Variants in AKAP11 observed in about 807,000 individuals in gnomAD.
AKAP11 encodes A-kinase anchor protein 11.
AKAP11 carries 36 observed loss-of-function variants against 146.1 expected under a neutral mutation model. The observed-to-expected ratio is 0.25, with a 90% CI of 0.19 to 0.33. AKAP11 has a LOEUF of 0.33. Among genes scored for constraint, AKAP11 ranks in the 10% least tolerant of loss-of-function variants. The pLI is 1.00. For missense variants in AKAP11, 2,201 were observed against 2,197.0 expected, an observed-to-expected ratio of 1.00 and a Z score of -0.04; for synonymous variants, 780 against 786.5, an observed-to-expected ratio of 0.99 and a Z score of 0.14.
rs1359661007 is a variant in AKAP11, at chr13:42,321,863, A to G, written c.*2635A>G. 6.6e-6 allele frequency: 1 copy of G among 152,296 alleles called. No individual in the cohort carries two copies. Among genetic ancestry groups the G allele is most frequent in the East Asian group, 1.9e-4 (1 of 5,344 alleles). 9.4% of individuals were successfully genotyped at this position (152,296 alleles called of 1,614,324 possible). On this transcript the variant is annotated 3_prime_UTR_variant, in exon 13 of 13. Coordinates refer to ENST00000025301, the MANE Select transcript of AKAP11 (RefSeq NM_016248.4). ...AAAGTTTTGATGTACATCGAGCTGA[A>G]TTCTGTTTTTACCAGTTTCAAAACC...
chr13:42,277,336 A>T (rs901463078), intron 1 of AKAP11, among the ~76,000 whole-genome samples: 2 of 152,178 alleles, frequency 1.3e-5, no homozygotes, highest in East Asian at 3.8e-4. Context: ...TCCTGCCTTC[A>T]TCTGATTATT....
Position 42,308,625 on chromosome 13 carries a change from C to G in AKAP11, c.5273+16C>G, listed in dbSNP as rs200513734. The G allele has an allele frequency of 1.9e-6, 3 of 1,600,938 alleles. No individual in the cohort carries two copies. The Admixed American group carries it at 5.0e-5, about 27-fold the overall frequency. On this transcript the variant is annotated intron_variant, in intron 9 of 12. Transcript: ENST00000025301. ...TAAGTGAAAGGTAACTACACTTTTG[C>G]ATATAATTGTGTAGTTTAGGTCCTC...
chr13:42,301,965 A>T lies in AKAP11; in HGVS notation c.3219A>T (p.Ser1073=). The change falls in exon 8 of 13, where the codon TCA becomes TCT. Residue 1073 remains serine, a synonymous_variant. Transcript: ENST00000025301. The stretch of plus-strand genomic sequence containing the variant: ...CCTTTCCTCATTCACATACTTTCTC[A>T]TCTACAGCACTTACCTGTGTAGATG... ...ENPFPHSHTF[S]STALTCVDGL... is the part of the protein sequence containing the mutation. 2 of 1,614,106 alleles carry T rather than the reference A, an allele frequency of 1.2e-6. No individual in the cohort carries two copies. Among genetic ancestry groups the T allele is most frequent in the Non-Finnish European group, 1.7e-6 (2 of 1,179,952 alleles).
At position 42,300,247 on chromosome 13, in the gene AKAP11, G is replaced by C; in HGVS notation, c.1501G>C (p.Gly501Arg). The C allele has an allele frequency of 6.2e-7, 1 of 1,613,862 alleles. No homozygotes were observed. Among genetic ancestry groups the C allele is most frequent in the Non-Finnish European group, 8.5e-7 (1 of 1,179,874 alleles). The change falls in exon 8 of 13, where the codon GGC becomes CGC. Residue 501 changes from glycine to arginine, a missense_variant. By Grantham distance (125) the Gly-to-Arg change is moderately radical (BLOSUM62 -2). Transcript: ENST00000025301. ...YAKSISCEVL[G>R]SVLRTHHTNT... ...AAAAAGCATTTCATGTGAAGTACTA[G>C]GCTCAGTTCTTCGTACCCACCATAC...
chr13:42,297,514 T>C (rs1212216410), intron 6 of AKAP11, among the ~76,000 whole-genome samples: 2 of 151,996 alleles, frequency 1.3e-5, no homozygotes, highest in African/African-American at 2.4e-5. Context: ...TTCCCTATTA[T>C]GGCCAATTTC....
At chr13:42,293,520 C>T (rs1392926169) in intron 4 of AKAP11, among the ~76,000 whole-genome samples, 2 of 152,172 alleles carry the variant, frequency 1.3e-5, no homozygotes, top group African/African-American at 4.8e-5. Flanking sequence ...TCTTTGCTAA[C>T]CTTTTTCATT....
At chr13:42,281,956 G>A (rs1423211943) in intron 1 of AKAP11, among the ~76,000 whole-genome samples, 2 of 151,310 alleles carry the variant, frequency 1.3e-5, no homozygotes, top group Admixed American at 1.3e-4. Context: ...TGTCAGAGTT[G>A]TGTCTGTATA....
intron 5 of AKAP11, 68 bp downstream of exon 5, chr13:42,295,810 A>G (rs1449337653): frequency 1.4e-6 from 2 of 1,449,600 alleles, no homozygotes; most frequent in Admixed American, 1.9e-5. Context: ...TTTGACCACA[A>G]AAGTCATTTA....
chr13:42,278,563 T>G (rs1303621738), intron 1 of AKAP11, among the ~76,000 whole-genome samples: 1 of 152,242 alleles, frequency 6.6e-6, no homozygotes, highest in African/African-American at 2.4e-5. Flanking sequence ...AGTCTTTTTT[T>G]GTCTCCATCT....
chr13:42,283,479 G>T lies in AKAP11; in HGVS notation c.-99-2507G>T, dbSNP rs1028208519. On this transcript the variant is annotated intron_variant, in intron 1 of 12. Coordinates refer to ENST00000025301, the MANE Select transcript of AKAP11 (RefSeq NM_016248.4). ...TCCATTTGCTTTATTATTCAATCTTGAATAAGGGTGTTTTATCTGGATCTG... is the reference window on the plus strand; with the variant it reads ...TCCATTTGCTTTATTATTCAATCTTTAATAAGGGTGTTTTATCTGGATCTG... Among the ~76,000 whole-genome samples, 22 of 152,262 alleles carry T rather than the reference G, an allele frequency of 1.4e-4. No individual in the cohort carries two copies. In the South Asian group the frequency reaches 1.5e-3, roughly 10 times the overall value.
At chr13:42,297,560 A>C (rs1410384006) in intron 6 of AKAP11, among the ~76,000 whole-genome samples, 1 of 151,952 alleles carries the variant, frequency 6.6e-6, no homozygotes, top group Non-Finnish European at 1.5e-5. Flanking sequence ...TGTTTTAGAG[A>C]ATGTACTTCA....
intron 1 of AKAP11, among the ~76,000 whole-genome samples, chr13:42,283,009 C>T (rs555626679): frequency 3.3e-5 from 5 of 152,160 alleles, no homozygotes; most frequent in African/African-American, 4.8e-5. Flanking sequence ...CTGTCAAAAA[C>T]GATGTGCTCT....
chr13:42,298,532 G>T lies in AKAP11; in HGVS notation c.352-1G>T. On this transcript the variant is annotated splice_acceptor_variant, in intron 6 of 12. Transcript: ENST00000025301. LOFTEE classifies it high-confidence loss of function. ...TTTTATTATCTTTTATCTTTCCCAA[G>T]AGTCATCCTTCTGGAATGCTTTGTG... 2 of 1,606,124 alleles carry T rather than the reference G, an allele frequency of 1.2e-6. No individual in the cohort carries two copies. The highest frequency in any genetic ancestry group is 1.7e-6 in the Non-Finnish European group (2 of 1,177,484).
intron 8 of AKAP11, among the ~76,000 whole-genome samples, chr13:42,304,643 T>G (rs951904885): frequency 6.6e-6 from 1 of 152,252 alleles, no homozygotes; most frequent in Non-Finnish European, 1.5e-5. Context: ...GTGAAAATTC[T>G]TTACATACTT....
In AKAP11 at chr13:42,303,573, G is replaced by C. The variant is rs978084873; in HGVS notation, c.4827G>C (p.Gln1609His). ...TGNSSQHFFR[Q>H]GSLASSKPAS... ...ATTCATCTCAGCACTTTTTCAGACA[G>C]GGTTCTCTCGCCAGTAGTAAGCCAG... is the stretch of plus-strand genomic sequence containing the variant. Residue 1609 changes from glutamine to histidine, a missense_variant, in exon 8 of 13, where the codon CAG becomes CAC. Transcript: ENST00000025301. 6.2e-7 allele frequency: 1 copy of C among 1,614,090 alleles called. No individual in the cohort carries two copies. The highest frequency in any genetic ancestry group is 8.5e-7 in the Non-Finnish European group (1 of 1,180,044).
intron 1 of AKAP11, among the ~76,000 whole-genome samples, chr13:42,279,263 C>CACACACACACACA: frequency 6.7e-6 from 1 of 150,076 alleles, no homozygotes; most frequent in Admixed American, 6.6e-5. Context: ...ACGTGCACAC[C>CACACACACACACA]CACACACACA....
intron 6 of AKAP11, among the ~76,000 whole-genome samples, 163 bp downstream of exon 6, chr13:42,297,345 C>T (rs746529954): frequency 5.3e-5 from 8 of 151,686 alleles, no homozygotes; most frequent in Non-Finnish European, 8.9e-5. Context: ...GCATTGACAT[C>T]CCTGAAGGAT....
In AKAP11 at chr13:42,321,062, G is replaced by A. The variant is rs540326161; in HGVS notation, c.*1834G>A. 5 of 152,418 alleles carry A rather than the reference G, an allele frequency of 3.3e-5. No individual in the cohort carries two copies. The highest frequency in any genetic ancestry group is 3.3e-4 in the Admixed American group (5 of 15,302). The allele number at this position is 152,418 out of a possible 1,614,324, so 9.4% of individuals were successfully genotyped here. A position where few individuals can be genotyped will look rare whatever the true frequency, so the allele number is the denominator to read the frequency against. ...TTAGCTTTTCAGAACTTGAGATGTG[G>A]CAGCACTGGACTGGGTTTTTTTAAA... On this transcript the variant is annotated 3_prime_UTR_variant, in exon 13 of 13. Coordinates refer to ENST00000025301, the MANE Select transcript of AKAP11 (RefSeq NM_016248.4).
chr13:42,273,639 T>C (rs1382951919), intron 1 of AKAP11, among the ~76,000 whole-genome samples: 1 of 152,174 alleles, frequency 6.6e-6, no homozygotes, highest in Non-Finnish European at 1.5e-5. Context: ...AGTGATATTT[T>C]GCAGTTGTTG....
Sources: gnomAD v4.1 joint callset for allele counts (sites outside exome capture counted in the v4.1 genomes callset) on GRCh38, gnomAD v4.1.1 for gene constraint, MANE v1.5 for transcripts, NCBI Gene and HGNC (gene_info 2026-07-23, HGNC 2026-07-21) for gene names.